The following MPPED1 variants were observed in gnomAD, a reference collection of about 807,000 sequenced individuals.
MPPED1 encodes metallophosphoesterase domain containing 1.
Under a neutral mutation model 36.2 loss-of-function variants are expected in MPPED1, and 16 were observed. That is an observed-to-expected ratio of 0.44 (90% CI 0.30 to 0.67). MPPED1 has a LOEUF of 0.67. MPPED1 is among the 30% of genes least tolerant of loss of function. The probability of loss-of-function intolerance (pLI) is 0.10; values close to 1 mark genes in which losing one functional copy is unlikely to be tolerated. For synonymous variants in MPPED1, 199 were observed against 191.3 expected, an observed-to-expected ratio of 1.04 and a Z score of -0.33; for missense variants, 307 against 453.4, an observed-to-expected ratio of 0.68 and a Z score of 2.93.
intron 4 of MPPED1, among the ~76,000 whole-genome samples, chr22:43,495,711 T>TGGTGGA (rs1932291667): frequency 3.1e-5 from 1 of 32,246 alleles, no homozygotes. Context: ...GTGATGGAGG[T>TGGTGGA]GGTGGTGGTG....
chr22:43,446,961 C>T (rs1436966407), intron 3 of MPPED1, among the ~76,000 whole-genome samples: 5 of 152,162 alleles, frequency 3.3e-5, no homozygotes, highest in Admixed American at 6.5e-5. Context: ...AAGTGGTAGC[C>T]GGGGACCAAG....
chr22:43,429,718 G>A (rs908584894), intron 2 of MPPED1, among the ~76,000 whole-genome samples: 5 of 152,186 alleles, frequency 3.3e-5, no homozygotes, highest in Non-Finnish European at 7.3e-5. Flanking sequence ...CTAGCACAGG[G>A]AATAGGAAGC....
At chr22:43,417,817 A>T (rs1416495648) in intron 1 of MPPED1, 1 of 299,074 alleles carries the variant, frequency 3.3e-6, no homozygotes, top group African/African-American at 2.2e-5. Context: ...TGGCTGTCCC[A>T]TCAGAGAGGC....
At chr22:43,504,307 T>G (rs1932772578) in intron 6 of MPPED1, among the ~76,000 whole-genome samples, 1 of 151,582 alleles carries the variant, frequency 6.6e-6, no homozygotes, top group Admixed American at 6.6e-5. Context: ...GACAGTGGTG[T>G]TGGTGGTGAT....
At chr22:43,465,785 A>G (rs888209165) in intron 3 of MPPED1, among the ~76,000 whole-genome samples, 1 of 152,182 alleles carries the variant, frequency 6.6e-6, no homozygotes, top group African/African-American at 2.4e-5. Context: ...GGTGTGTGGA[A>G]CAGCAGATGC....
At chr22:43,415,225 C>CAAAAAAAAAAAAAAAAAAA (rs34357060) in intron 1 of MPPED1, among the ~76,000 whole-genome samples, 3 of 49,412 alleles carry the variant, frequency 6.1e-5, no homozygotes, top group Non-Finnish European at 1.1e-4. Context: ...ATGTCAAAAG[C>CAAAAAAAAAAAAAAAAAAA]AAAAAAAAAA....
intron 4 of MPPED1, among the ~76,000 whole-genome samples, chr22:43,488,981 G>C (rs1206785263): frequency 6.6e-6 from 1 of 152,212 alleles, no homozygotes; most frequent in Non-Finnish European, 1.5e-5. Context: ...TCGTATCTCA[G>C]GCATTCGTGA....
chr22:43,483,707 TGG>T (rs1931820485), intron 4 of MPPED1, among the ~76,000 whole-genome samples: 1 of 152,228 alleles, frequency 6.6e-6, no homozygotes, highest in Non-Finnish European at 1.5e-5. Context: ...AGGTACAATC[TGG>T]GGGAGTCCTG....
At chr22:43,430,854 T>A (rs1234771459) in intron 2 of MPPED1, among the ~76,000 whole-genome samples, 1 of 151,904 alleles carries the variant, frequency 6.6e-6, no homozygotes, top group Non-Finnish European at 1.5e-5. Context: ...ATGGACTAAC[T>A]TTTCATTGTC....
intron 6 of MPPED1, 137 bp from the exon 7 acceptor site, chr22:43,505,361 G>A (rs1932786983): frequency 1.5e-6 from 1 of 647,638 alleles, no homozygotes; most frequent in Non-Finnish European, 2.7e-6. Context: ...CAGATGAAGG[G>A]ACTGACCTCG....
chr22:43,476,154 G>A (rs531598768), intron 4 of MPPED1, among the ~76,000 whole-genome samples: 3 of 152,206 alleles, frequency 2.0e-5, no homozygotes, highest in South Asian at 2.1e-4. Flanking sequence ...TAGGCTAAAG[G>A]CTCTATAAAC....
At chr22:43,480,019 C>A (rs559367318) in intron 4 of MPPED1, among the ~76,000 whole-genome samples, 1 of 152,116 alleles carries the variant, frequency 6.6e-6, no homozygotes, top group Non-Finnish European at 1.5e-5. Context: ...TGTACCACCA[C>A]GCCCGGCTGA....
At chr22:43,495,497 G>GGTTA (rs1932258173) in intron 4 of MPPED1, among the ~76,000 whole-genome samples, 1 of 20,908 alleles carries the variant, frequency 4.8e-5, no homozygotes, top group Non-Finnish European at 7.6e-5. Context: ...GGAGGTAGTG[G>GGTTA]TGGTGGAGGT....
In MPPED1 at chr22:43,447,885, T is replaced by TATATATA. The variant is rs1601966891; in HGVS notation, c.406+12670_406+12671insATATATA. On this transcript the variant is annotated intron_variant, in intron 3 of 6. Coordinates refer to ENST00000443721, the MANE Select transcript of MPPED1 (RefSeq NM_001044370.2). ...TATATATATATATATATATATATAT[T>TATATATA]TTTTTTTTTTTTAGACAAAGTCTCG... is the stretch of plus-strand genomic sequence containing the variant. Among the ~76,000 whole-genome samples, 114 of 25,038 alleles carry TATATATA rather than the reference T, an allele frequency of 4.6e-3. 1 individual carries two copies. The highest frequency in any genetic ancestry group is 5.6e-3 in the Non-Finnish European group (64 of 11,476). The allele number at this position is 25,038 out of a possible 152,430, so 16.4% of individuals were successfully genotyped here. A position where few individuals can be genotyped will look rare whatever the true frequency, so the allele number is the denominator to read the frequency against.
chr22:43,499,068 T>C (rs1462876673), intron 5 of MPPED1, among the ~76,000 whole-genome samples: 2 of 151,492 alleles, frequency 1.3e-5, no homozygotes, highest in African/African-American at 4.8e-5. Flanking sequence ...GTAGTGGTGA[T>C]GGAGGTGGTG....
chr22:43,481,610 C>T (rs1418944457), intron 4 of MPPED1, among the ~76,000 whole-genome samples: 2 of 152,180 alleles, frequency 1.3e-5, no homozygotes, highest in Non-Finnish European at 2.9e-5. Flanking sequence ...GGTTTATTCT[C>T]CTGCGATTGA....
chr22:43,412,160 T>A lies in MPPED1; in HGVS notation c.-79+2T>A. The A allele has an allele frequency of 1.0e-6, 1 of 974,634 alleles. No individual in the cohort carries two copies. The highest frequency in any genetic ancestry group is 1.2e-4 in the East Asian group (1 of 8,318). 60.4% of individuals were successfully genotyped at this position (974,634 alleles called of 1,614,324 possible). A position where few individuals can be genotyped will look rare whatever the true frequency, so the allele number is the denominator to read the frequency against. On this transcript the variant is annotated splice_donor_variant, in intron 1 of 6. Coordinates refer to ENST00000443721, the MANE Select transcript of MPPED1 (RefSeq NM_001044370.2). LOFTEE classifies it low-confidence loss of function (5UTR_SPLICE). ...CGCCGAAGAGGAGCCCGGGGCCAGG[T>A]AGGACCGGAGGCGGGCGGGGCGCGG...
intron 3 of MPPED1, among the ~76,000 whole-genome samples, chr22:43,462,627 G>C (rs751220374): frequency 2.0e-5 from 3 of 152,124 alleles, no homozygotes; most frequent in Non-Finnish European, 4.4e-5. Flanking sequence ...ATATTTTCAT[G>C]TGTCCATCAT....
chr22:43,435,263 G>T (rs1367722450), intron 3 of MPPED1, 48 bp downstream of exon 3: 21 of 1,552,126 alleles, frequency 1.4e-5, no homozygotes, highest in Non-Finnish European at 1.7e-5. Context: ...GCAGGAAGGG[G>T]GCTCCCGCCA....
Sources: gnomAD v4.1 joint callset for allele counts (sites outside exome capture counted in the v4.1 genomes callset) on GRCh38, gnomAD v4.1.1 for gene constraint, MANE v1.5 for transcripts, NCBI Gene and HGNC (gene_info 2026-07-23, HGNC 2026-07-21) for gene names.